The following DYNC2I1 variants were observed in gnomAD, a reference collection of about 807,000 sequenced individuals.
DYNC2I1 encodes cytoplasmic dynein 2 intermediate chain 1.
Under a neutral mutation model 133.4 loss-of-function variants are expected in DYNC2I1, and 89 were observed. The observed-to-expected ratio is 0.67, with a 90% confidence interval of 0.56 to 0.80. The LOEUF is 0.80. Among genes scored for constraint, DYNC2I1 ranks in the 30% least tolerant of loss-of-function variants. The pLI is 0.00. For synonymous variants in DYNC2I1, 504 were observed against 484.3 expected (o/e 1.04, Z -0.54); for missense variants, 1,291 against 1,314.5 (o/e 0.98, Z 0.28).
At chr7:158,942,681 G>A (rs1279691703) in intron 24 of DYNC2I1, among the ~76,000 whole-genome samples, 1 of 152,214 alleles carries the variant, frequency 6.6e-6, no homozygotes, top group Non-Finnish European at 1.5e-5. Context: ...GTCTGAACGA[G>A]GTACTTGGTG....
intron 23 of DYNC2I1, among the ~76,000 whole-genome samples, chr7:158,941,174 C>T (rs1270860902): frequency 6.6e-6 from 1 of 152,058 alleles, no homozygotes; most frequent in Non-Finnish European, 1.5e-5. Context: ...TACAAATAAT[C>T]ATTAGAGACT....
intron 6 of DYNC2I1, among the ~76,000 whole-genome samples, chr7:158,886,796 C>G (rs1844651660): frequency 6.6e-6 from 1 of 151,854 alleles, no homozygotes; most frequent in Non-Finnish European, 1.5e-5. Flanking sequence ...GAGATGGGGT[C>G]TACTCTGTTG....
At chr7:158,942,191 C>A in intron 24 of DYNC2I1, 43 bp downstream of exon 24, 1 of 1,465,982 alleles carries the variant, frequency 6.8e-7, no homozygotes, top group Middle Eastern at 1.9e-4. Context: ...TGTGGGGGGG[C>A]TTCGGCCACG....
At chr7:158,899,281 A>G (rs991309053) in intron 8 of DYNC2I1, among the ~76,000 whole-genome samples, 3 of 152,090 alleles carry the variant, frequency 2.0e-5, no homozygotes, top group African/African-American at 7.2e-5. Flanking sequence ...GGTTGAATCC[A>G]TGGATGTGGA....
intron 17 of DYNC2I1, among the ~76,000 whole-genome samples, chr7:158,925,868 T>C (rs1185919154): frequency 6.6e-6 from 1 of 152,170 alleles, no homozygotes; most frequent in East Asian, 1.9e-4. Flanking sequence ...TCGCAGAGAC[T>C]TTCTCTGTCT....
chr7:158,941,984 G>A lies in DYNC2I1; in HGVS notation c.2838G>A (p.Leu946=), dbSNP rs758833195. Residue 946 remains leucine (L), a synonymous_variant, in exon 24 of 25, where the codon CTG becomes CTA. Coordinates refer to ENST00000407559, the MANE Select transcript of DYNC2I1 (RefSeq NM_018051.5). ...LHQLSSAFPL[L]QWDSSTDSHA... is the part of the protein sequence containing the mutation. ...AGCTGAGCTCCGCGTTTCCGCTCCT[G>A]CAGTGGGACAGCAGCACGGACAGCC... 1 of 1,613,304 alleles carries A rather than the reference G, an allele frequency of 6.2e-7. No individual in the cohort carries two copies. The highest frequency in any genetic ancestry group is 8.5e-7 in the Non-Finnish European group (1 of 1,179,742).
chr7:158,944,065 G>A lies in DYNC2I1; in HGVS notation c.3003-1516G>A, dbSNP rs190226368. On this transcript the variant is annotated intron_variant, in intron 24 of 24. Coordinates refer to ENST00000407559, the MANE Select transcript of DYNC2I1 (RefSeq NM_018051.5). ...ACAGAGAAACAGAACAAGAAGAAACGGATGTTTGGAAGGAAGGAGTTTAGA... is the reference window on the plus strand; with the variant it reads ...ACAGAGAAACAGAACAAGAAGAAACAGATGTTTGGAAGGAAGGAGTTTAGA... Among the ~76,000 whole-genome samples the A allele has an allele frequency of 8.4e-4, 128 of 152,276 alleles. 1 individual carries two copies. In the East Asian group the frequency reaches 0.016, roughly 19 times the overall value.
chr7:158,860,238 T>A (rs187349273), intron 1 of DYNC2I1, among the ~76,000 whole-genome samples: 257 of 152,240 alleles, frequency 1.7e-3, no homozygotes, highest in African/African-American at 6.0e-3. Context: ...TTTATATTTT[T>A]AGTAGAGACA....
At chr7:158,872,019 T>G (rs906050856) in intron 3 of DYNC2I1, among the ~76,000 whole-genome samples, 1 of 152,126 alleles carries the variant, frequency 6.6e-6, no homozygotes, top group Non-Finnish European at 1.5e-5. Flanking sequence ...TTTTGGTATT[T>G]TAAAAACTTG....
chr7:158,898,652 A>G (rs1356937401), intron 8 of DYNC2I1, among the ~76,000 whole-genome samples: 1 of 152,182 alleles, frequency 6.6e-6, no homozygotes, highest in East Asian at 1.9e-4. Flanking sequence ...CCTCTCTGAC[A>G]ATCTCTGTCT....
At chr7:158,916,191 C>G (rs369032829) in intron 14 of DYNC2I1, among the ~76,000 whole-genome samples, 3 of 75,286 alleles carry the variant, frequency 4.0e-5, no homozygotes, top group South Asian at 3.8e-4. Context: ...CGCTGGTTGA[C>G]ATTAAGGATG....
In DYNC2I1 at chr7:158,868,682, G is replaced by A. The variant is rs58060391; in HGVS notation, c.16-1173G>A. Among the ~76,000 whole-genome samples the A allele has an allele frequency of 6.2e-3, 937 of 152,292 alleles. 62 individuals carry two copies. The East Asian group carries it at 0.13, about 21-fold the overall frequency. On this transcript the variant is annotated intron_variant, in intron 1 of 24. Coordinates refer to ENST00000407559, the MANE Select transcript of DYNC2I1 (RefSeq NM_018051.5). ...CCACCAGTTGCCCAGTGTAGCAGAC[G>A]GGTGTGATAGGGTGTCCTCAGGGAC... is the stretch of plus-strand genomic sequence containing the variant.
chr7:158,890,580 T>A (rs1585050446), intron 7 of DYNC2I1, among the ~76,000 whole-genome samples: 1 of 152,250 alleles, frequency 6.6e-6, no homozygotes, highest in East Asian at 1.9e-4. Flanking sequence ...AGACACTGCC[T>A]AGTTTTGGGT....
At chr7:158,949,037 C>T (rs760756251), downstream of DYNC2I1, among the ~76,000 whole-genome samples, 5 of 152,226 alleles carry the variant, frequency 3.3e-5, no homozygotes, top group African/African-American at 4.8e-5. Context: ...GGCACAGAAC[C>T]GGGCAGCCTC....
the DYNC2I1 span, among the ~76,000 whole-genome samples, chr7:158,847,163 T>G: frequency 6.6e-6 from 1 of 152,248 alleles, no homozygotes; most frequent in African/African-American, 2.4e-5. Context: ...CTCAAAATTC[T>G]GTCTTAAATC....
the DYNC2I1 span, among the ~76,000 whole-genome samples, chr7:158,845,356 C>A: frequency 6.6e-6 from 1 of 152,034 alleles, no homozygotes; most frequent in Non-Finnish European, 1.5e-5. Flanking sequence ...TAAGTAAAAT[C>A]TGTAATCAAT....
At chr7:158,921,629 G>T (rs1849103696) in intron 15 of DYNC2I1, among the ~76,000 whole-genome samples, 1 of 152,156 alleles carries the variant, frequency 6.6e-6, no homozygotes, top group African/African-American at 2.4e-5. Flanking sequence ...TGGAATTGGA[G>T]GGGACGTTGT....
intron 5 of DYNC2I1, among the ~76,000 whole-genome samples, chr7:158,882,411 C>G (rs1335905525): frequency 6.6e-6 from 1 of 151,934 alleles, no homozygotes; most frequent in African/African-American, 2.4e-5. Flanking sequence ...TAGTGAGACC[C>G]CATCTCTACC....
intron 8 of DYNC2I1, among the ~76,000 whole-genome samples, chr7:158,894,398 A>G (rs529418962): frequency 1.3e-5 from 2 of 152,330 alleles, no homozygotes; most frequent in South Asian, 2.1e-4. Context: ...ATAATAATAC[A>G]TTGAATCATT....
Sources: allele counts gnomAD v4.1 joint callset (sites outside exome capture counted in the v4.1 genomes callset), GRCh38; gene constraint gnomAD v4.1.1; transcripts MANE v1.5; gene names NCBI Gene and HGNC (gene_info 2026-07-23, HGNC 2026-07-21).